CCDC178: variants seen among roughly 807,000 people sequenced by gnomAD.
The protein encoded by CCDC178 is coiled-coil domain containing 178.
CCDC178 carries 126 observed loss-of-function variants against 117.4 expected under a neutral mutation model. The ratio of observed to expected loss-of-function variants is 1.07; its 90% CI spans 0.93 to 1.24. The LOEUF is 1.24. Among genes scored for constraint, CCDC178 ranks in the 50% most tolerant of loss-of-function variants. The probability of loss-of-function intolerance (pLI) is 0.00; values close to 1 mark genes in which losing one functional copy is unlikely to be tolerated. For synonymous variants in CCDC178, 283 were observed against 313.4 expected (o/e 0.90, Z 1.02); for missense variants, 1,030 against 986.9 (o/e 1.04, Z -0.59).
At chr18:32,964,505 G>C (rs1043580872) in intron 22 of CCDC178, among the ~76,000 whole-genome samples, 6 of 151,830 alleles carry the variant, frequency 4.0e-5, no homozygotes, top group Non-Finnish European at 7.4e-5. Context: ...AATTAATTTT[G>C]GCAAAATGTT....
At chr18:33,212,408 G>A (rs556355483) in intron 19 of CCDC178, among the ~76,000 whole-genome samples, 11 of 152,068 alleles carry the variant, frequency 7.2e-5, no homozygotes, top group East Asian at 3.9e-4. Flanking sequence ...AAGATAGCTC[G>A]AGGAAATGAG....
At chr18:33,418,136 C>G (rs986660092) in intron 2 of CCDC178, among the ~76,000 whole-genome samples, 9 of 152,144 alleles carry the variant, frequency 5.9e-5, no homozygotes, top group African/African-American at 2.2e-4. Flanking sequence ...CATCAAAAAG[C>G]TAATCCACCA....
intron 5 of CCDC178, among the ~76,000 whole-genome samples, chr18:33,376,678 C>CTGA (rs2063371046): frequency 6.6e-6 from 1 of 152,138 alleles, no homozygotes; most frequent in Admixed American, 6.5e-5. Context: ...GTTTAGCTCC[C>CTGA]ACTTATAAGT....
At chr18:33,062,235 G>C (rs898961866) in intron 21 of CCDC178, among the ~76,000 whole-genome samples, 8 of 152,144 alleles carry the variant, frequency 5.3e-5, no homozygotes, top group African/African-American at 1.9e-4. Context: ...AGGCCTTTGG[G>C]AATATATGCA....
chr18:33,118,256 T>C (rs1409653053), intron 20 of CCDC178, among the ~76,000 whole-genome samples: 1 of 151,974 alleles, frequency 6.6e-6, no homozygotes, highest in East Asian at 1.9e-4. Flanking sequence ...TGGGGCATTG[T>C]CCTCTAGACA....
chr18:33,333,100 A>T, intron 10 of CCDC178, 74 bp downstream of exon 10: 2 of 832,520 alleles, frequency 2.4e-6, no homozygotes, highest in Non-Finnish European at 3.8e-6. Context: ...AAGCTGTGTT[A>T]ATTTCTTATG....
chr18:33,425,666 T>A (rs1212325193), intron 2 of CCDC178, among the ~76,000 whole-genome samples: 1 of 152,188 alleles, frequency 6.6e-6, no homozygotes, highest in Non-Finnish European at 1.5e-5. Context: ...GTCAGGATAC[T>A]TGAACTGTGC....
chr18:33,264,285 C>T (rs60057329), intron 14 of CCDC178, among the ~76,000 whole-genome samples: 6,677 of 151,784 alleles, frequency 0.044, 502 homozygotes, highest in African/African-American at 0.15. Flanking sequence ...ATATAGTTAC[C>T]AGTTAGAAAC....
At chr18:33,162,495 T>A (rs894022973) in intron 20 of CCDC178, among the ~76,000 whole-genome samples, 3 of 152,176 alleles carry the variant, frequency 2.0e-5, no homozygotes, top group Non-Finnish European at 4.4e-5. Flanking sequence ...GGTAAACTCA[T>A]GTCACAGAGG....
intron 18 of CCDC178, among the ~76,000 whole-genome samples, chr18:33,216,275 T>C (rs1599011777): frequency 1.3e-5 from 2 of 152,232 alleles, no homozygotes; most frequent in Middle Eastern, 3.4e-3. Context: ...TTTTCAAACA[T>C]GTACAAAGTG....
intron 11 of CCDC178, among the ~76,000 whole-genome samples, chr18:33,315,541 G>A (rs2062403512): frequency 6.6e-6 from 1 of 152,032 alleles, no homozygotes; most frequent in Admixed American, 6.6e-5. Flanking sequence ...TTATGTATAA[G>A]CAAATCGAGG....
chr18:32,965,080 C>CT (rs1460955377), intron 22 of CCDC178, among the ~76,000 whole-genome samples: 2 of 151,820 alleles, frequency 1.3e-5, no homozygotes, highest in East Asian at 3.9e-4. Context: ...GGCACATAGT[C>CT]TTACAGTAAT....
intron 12 of CCDC178, among the ~76,000 whole-genome samples, chr18:33,277,308 GAATT>G (rs1005824529): frequency 2.6e-5 from 4 of 151,924 alleles, no homozygotes; most frequent in Non-Finnish European, 5.9e-5. Context: ...CTAGTTAGAA[GAATT>G]AATAAAAGAG....
chr18:33,346,217 G>T lies in CCDC178; in HGVS notation c.652C>A (p.Gln218Lys), dbSNP rs528148899. 1.4e-5 allele frequency: 22 copies of T among 1,607,432 alleles called. No individual in the cohort carries two copies. In the East Asian group the frequency reaches 4.9e-4, roughly 36 times the overall value. ...WKLQELPLAV[Q>K]KEHEAYLSDV... is the part of the protein sequence containing the mutation. ...TAAAAATCCCTATTATTACCTTTCT[G>T]CACAGCCAATGGGAGTTCTTGAAGT... Residue 218 changes from glutamine to lysine, a missense_variant, in exon 9 of 23, where the codon CAG (glutamine) becomes AAG (lysine). Gln to Lys is a moderately conservative substitution (Grantham distance 53). Coordinates refer to ENST00000383096, the MANE Select transcript of CCDC178 (RefSeq NM_001105528.4).
chr18:33,032,662 T>C (rs1395284069), intron 21 of CCDC178, among the ~76,000 whole-genome samples: 15 of 152,054 alleles, frequency 9.9e-5, no homozygotes, highest in Admixed American at 9.8e-4. Flanking sequence ...CTGAGAAGGA[T>C]GGATTTTTCA....
At chr18:33,165,802 G>A (rs2058521124) in intron 20 of CCDC178, among the ~76,000 whole-genome samples, 1 of 152,156 alleles carries the variant, frequency 6.6e-6, no homozygotes, top group Admixed American at 6.5e-5. Context: ...ATGTGCAGCA[G>A]AACTGTTTTA....
chr18:32,971,104 T>G (rs2144685661), intron 22 of CCDC178, among the ~76,000 whole-genome samples: 1 of 152,096 alleles, frequency 6.6e-6, no homozygotes, highest in South Asian at 2.1e-4. Context: ...TTGCTCCACC[T>G]GTCAACCCAT....
At chr18:33,270,010 T>C (rs1243252463) in intron 12 of CCDC178, among the ~76,000 whole-genome samples, 1 of 151,654 alleles carries the variant, frequency 6.6e-6, no homozygotes, top group Admixed American at 6.6e-5. Context: ...TTTTAGCAAA[T>C]AGAAACTATT....
At chr18:32,969,353 T>C (rs566703694) in intron 22 of CCDC178, among the ~76,000 whole-genome samples, 48 of 152,112 alleles carry the variant, frequency 3.2e-4, no homozygotes, top group African/African-American at 1.1e-3. Context: ...TCAATCACTG[T>C]AGTAACATCT....
Sources: gnomAD v4.1 joint callset for allele counts (sites outside exome capture counted in the v4.1 genomes callset) on GRCh38, gnomAD v4.1.1 for gene constraint, MANE v1.5 for transcripts, NCBI Gene and HGNC (gene_info 2026-07-23, HGNC 2026-07-21) for gene names.